The following PTP4A2 variants were observed in gnomAD, a reference collection of about 807,000 sequenced individuals.
PTP4A2 encodes protein tyrosine phosphatase 4A2.
PTP4A2 carries 2 observed loss-of-function variants against 22.9 expected under a neutral mutation model. That is an observed-to-expected ratio of 0.09 (90% CI 0.04 to 0.27). PTP4A2 has a LOEUF of 0.27. Ranked by LOEUF, PTP4A2 falls within the 10% of genes least tolerant of loss-of-function variation. The pLI is 1.00. For synonymous variants in PTP4A2, 68 were observed against 69.1 expected (o/e 0.98, Z 0.08); for missense variants, 103 against 205.1 (o/e 0.50, Z 3.04).
In PTP4A2 at chr1:31,919,672, GA is replaced by G. The variant is rs2124192810; in HGVS notation, c.-593-15del. On this transcript the variant is annotated splice_polypyrimidine_tract_variant and intron_variant, in intron 1 of 5. Transcript: ENST00000647444. Reference sequence around the variant, plus strand: ...CCAACGAAAAACCTGGAGAAGAAAAGAATAAGTAAAATGAACTAGAGGCTGA... The same window carrying G: ...CCAACGAAAAACCTGGAGAAGAAAAGATAAGTAAAATGAACTAGAGGCTGA... 2 of 152,654 alleles carry G rather than the reference GA, an allele frequency of 1.3e-5. No homozygotes were observed. Among genetic ancestry groups the G allele is most frequent in the African/African-American group, 4.8e-5 (2 of 41,522 alleles). 9.5% of individuals were successfully genotyped at this position (152,654 alleles called of 1,614,324 possible). A position where few individuals can be genotyped will look rare whatever the true frequency, so the allele number is the denominator to read the frequency against.
intron 3 of PTP4A2, chr1:31,915,678 C>A: frequency 2.8e-6 from 1 of 356,634 alleles, no homozygotes; most frequent in Non-Finnish European, 5.2e-6. Flanking sequence ...TAGCTGGGAC[C>A]ACAGGTGTGC....
At chr1:31,918,050 C>G (rs1192402846) in intron 2 of PTP4A2, among the ~76,000 whole-genome samples, 1 of 151,530 alleles carries the variant, frequency 6.6e-6, no homozygotes, top group Non-Finnish European at 1.5e-5. Context: ...GAGATCAAGA[C>G]CATCCTGGCT....
chr1:31,914,168 G>A (rs1651695194), intron 3 of PTP4A2: 1 of 418,516 alleles, frequency 2.4e-6, no homozygotes, highest in Admixed American at 2.5e-5. Flanking sequence ...TCGGGTTCAG[G>A]TGATCCTCCC....
Position 31,938,104 on chromosome 1 carries a change from C to T in PTP4A2, c.-711G>A. ...GCGGTAGCGGTGGCGGCGGCGGCGA[C>T]GACTCCCCCCCAGCCTCGGCGCGCG... is the stretch of plus-strand genomic sequence containing the variant. On this transcript the variant is annotated 5_prime_UTR_variant, in exon 1 of 6. Coordinates refer to ENST00000647444, the MANE Select transcript of PTP4A2 (RefSeq NM_080391.4). The surrounding 1 kb of genome is among the most constrained non-coding windows in gnomAD (Gnocchi z 4.4). The T allele has an allele frequency of 6.6e-6, 1 of 151,474 alleles. No individual in the cohort carries two copies. Among genetic ancestry groups the T allele is most frequent in the Non-Finnish European group, 1.4e-5 (1 of 70,002 alleles). The allele number at this position is 151,474 out of a possible 1,614,324, so 9.4% of individuals were successfully genotyped here.
At chr1:31,911,870 T>C (rs765802601) in intron 3 of PTP4A2, 44 bp from the exon 4 acceptor site, 4 of 1,483,358 alleles carry the variant, frequency 2.7e-6, no homozygotes, top group South Asian at 1.3e-5. Context: ...ATTTTCTCCA[T>C]GATTAACATC....
At chr1:31,913,745 T>C (rs1462105158) in intron 3 of PTP4A2, 5 of 453,744 alleles carry the variant, frequency 1.1e-5, no homozygotes, top group African/African-American at 2.0e-5. Context: ...CTCAAACTAG[T>C]TCAAGTTCTT....
At chr1:31,931,152 T>A (rs1652709033) in intron 1 of PTP4A2, 1 of 152,206 alleles carries the variant, frequency 6.6e-6, no homozygotes, top group Admixed American at 6.5e-5. Flanking sequence ...CCTAGAAGAA[T>A]CAACGTGGGT....
chr1:31,926,149 A>AAAAAAATATATAT (rs59088489), intron 1 of PTP4A2, among the ~76,000 whole-genome samples: 1 of 131,340 alleles, frequency 7.6e-6, no homozygotes, highest in South Asian at 2.4e-4. Flanking sequence ...AAAAAAAAAA[A>AAAAAAATATATAT]ATATATATAT....
rs1167002913 is a variant in PTP4A2 at position 31,916,345 on chromosome 1, C to CAAAAA, written c.97-363_97-359dup. The stretch of plus-strand genomic sequence containing the variant: ...GGGCGACAGAGCGAGACTCCGTCTC[C>CAAAAA]AAAAAAAAAAAAAAAAAAAAAAAAA... On this transcript the variant is annotated intron_variant, in intron 2 of 5. Transcript: ENST00000647444. Among the ~76,000 whole-genome samples the CAAAAA allele has an allele frequency of 2.5e-4, 9 of 35,466 alleles. 1 individual carries two copies. Among genetic ancestry groups the CAAAAA allele is most frequent in the East Asian group, 9.5e-4 (1 of 1,054 alleles). The allele number at this position is 35,466 out of a possible 152,430, so 23.3% of individuals were successfully genotyped here. A position where few individuals can be genotyped will look rare whatever the true frequency, so the allele number is the denominator to read the frequency against.
chr1:31,923,566 C>G (rs1275816057), intron 1 of PTP4A2, among the ~76,000 whole-genome samples: 1 of 151,602 alleles, frequency 6.6e-6, no homozygotes, highest in African/African-American at 2.4e-5. Flanking sequence ...GATCTCCTGA[C>G]CTCGTGATCC....
At chr1:31,909,821 A>T (rs1651440343) in intron 5 of PTP4A2, among the ~76,000 whole-genome samples, 1 of 152,210 alleles carries the variant, frequency 6.6e-6, no homozygotes, top group African/African-American at 2.4e-5. Flanking sequence ...AATATACTGG[A>T]CACAGTCTAT....
chr1:31,912,880 C>T (rs1337048412), intron 3 of PTP4A2: 3 of 349,516 alleles, frequency 8.6e-6, no homozygotes, highest in Non-Finnish European at 1.7e-5. Flanking sequence ...TTAGCCAAAA[C>T]AGTACATGAT....
Position 31,919,097 on chromosome 1 carries a change from G to C in PTP4A2, c.-32C>G. 9.2e-7 allele frequency: 1 copy of C among 1,087,154 alleles called. No homozygotes were observed. The highest frequency in any genetic ancestry group is 1.6e-5 in the African/African-American group (1 of 63,522). The allele number at this position is 1,087,154 out of a possible 1,614,324, so 67.3% of individuals were successfully genotyped here. A position where few individuals can be genotyped will look rare whatever the true frequency, so the allele number is the denominator to read the frequency against. On this transcript the variant is annotated 5_prime_UTR_variant, in exon 2 of 6. Coordinates refer to ENST00000647444, the MANE Select transcript of PTP4A2 (RefSeq NM_080391.4). ...AAATAAAAAGTGTGAGCGTGCGTGT[G>C]AGTGTGATGGGGAAAGTGAAAAAAA...
At chr1:31,919,719 C>T (rs983031519) in intron 1 of PTP4A2, 61 bp from the exon 2 acceptor site, 1 of 152,460 alleles carries the variant, frequency 6.6e-6, no homozygotes, top group Admixed American at 6.5e-5. Context: ...AACACAAATG[C>T]CTGAAGTCAA....
chr1:31,931,419 T>C (rs1186667995), intron 1 of PTP4A2, among the ~76,000 whole-genome samples: 1 of 152,112 alleles, frequency 6.6e-6, no homozygotes, highest in Non-Finnish European at 1.5e-5. Context: ...TAAAAGCTCT[T>C]AGGAATTTCA....
chr1:31,933,105 G>A (rs142316945), intron 1 of PTP4A2: 47 of 152,128 alleles, frequency 3.1e-4, no homozygotes, highest in African/African-American at 1.1e-3. Context: ...AGGCTCCAGT[G>A]ATCCTTCCAC....
At chr1:31,910,700 A>C (rs1011311383) in intron 4 of PTP4A2, 1 of 152,250 alleles carries the variant, frequency 6.6e-6, no homozygotes, top group Non-Finnish European at 1.5e-5. Context: ...AGATATGATC[A>C]AAAATCCTTC....
intron 1 of PTP4A2, chr1:31,921,691 T>C (rs1334695494): frequency 6.6e-6 from 1 of 152,178 alleles, no homozygotes; most frequent in Non-Finnish European, 1.5e-5. Flanking sequence ...TTTAGAAGTC[T>C]CTAAAAAATA....
At position 31,937,118 on chromosome 1, in the gene PTP4A2, G is replaced by A. The variant is rs568768183; in HGVS notation, c.-594+869C>T. 2.6e-5 allele frequency among the ~76,000 whole-genome samples: 4 copies of A among 152,132 alleles called. No homozygotes were observed. The South Asian group carries it at 6.2e-4, about 24-fold the overall frequency. ...CCAGAGTGTAGGATTTTGGGCAACAGACAAACTTCTTTTCGTTAGCTCTCA... is the reference window on the plus strand; with the variant it reads ...CCAGAGTGTAGGATTTTGGGCAACAAACAAACTTCTTTTCGTTAGCTCTCA... On this transcript the variant is annotated intron_variant, in intron 1 of 5. Transcript: ENST00000647444.
Sources: allele counts gnomAD v4.1 joint callset (sites outside exome capture counted in the v4.1 genomes callset), GRCh38; gene constraint gnomAD v4.1.1; non-coding constraint Gnocchi (gnomAD v3.1); transcripts MANE v1.5; gene names NCBI Gene and HGNC (gene_info 2026-07-23, HGNC 2026-07-21).